Variants in MCM10 observed in about 807,000 individuals in gnomAD.
MCM10 encodes the protein protein MCM10 homolog.
MCM10 carries 91 observed loss-of-function variants against 109.9 expected under a neutral mutation model. The ratio of observed to expected loss-of-function variants is 0.83; its 90% CI spans 0.70 to 0.99. MCM10 has a LOEUF of 0.99. MCM10 is among the 50% of genes least tolerant of loss of function. MCM10 has a pLI of 0.00. For missense variants in MCM10, 1,077 were observed against 1,061.2 expected (o/e 1.01, Z -0.21); for synonymous variants, 380 against 387.2 (o/e 0.98, Z 0.22).
intron 16 of MCM10, among the ~76,000 whole-genome samples, chr10:13,200,423 A>G (rs74641480): frequency 0.021 from 3,206 of 152,272 alleles, 61 homozygotes; most frequent in South Asian, 0.082. Context: ...GCTCCCACCA[A>G]TTTTCAAAAT....
rs765000042 is a variant in MCM10 at position 13,198,715 on chromosome 10, A to G, written c.2146A>G (p.Lys716Glu). 6.2e-7 allele frequency: 1 copy of G among 1,610,336 alleles called. No individual in the cohort carries two copies. The highest frequency in any genetic ancestry group is 8.5e-7 in the Non-Finnish European group (1 of 1,177,142). ...TGAGGATGAATTGGAGCCTGCCAGG[A>G]AAAAAAGGAGAGAACAACTTGCCTA... ...QAEDELEPAR[K>E]KRREQLAYLE... Residue 716 changes from lysine to glutamate, a missense_variant, in exon 16 of 20, where the codon AAA (lysine) becomes GAA (glutamate). Transcript: ENST00000378714.
chr10:13,208,694 A>G (rs770454993), intron 18 of MCM10, among the ~76,000 whole-genome samples: 3 of 152,024 alleles, frequency 2.0e-5, no homozygotes, highest in Non-Finnish European at 4.4e-5. Flanking sequence ...TTTTGCTCCA[A>G]AAAAAAGAGG....
chr10:13,201,205 T>C (rs1402290226), intron 16 of MCM10, among the ~76,000 whole-genome samples: 2 of 152,168 alleles, frequency 1.3e-5, no homozygotes, highest in Non-Finnish European at 2.9e-5. Context: ...TGTTTTTGCA[T>C]ATTAAGAGCT....
In MCM10 at chr10:13,188,861, C is replaced by T; in HGVS notation, c.1216-20C>T. ...CAGCCTGTTGCCCTCATCCTGATGC[C>T]ACTGCTCTGCCTTTTGCAGCGTGAC... is the stretch of plus-strand genomic sequence containing the variant. On this transcript the variant is annotated intron_variant, in intron 9 of 19. Coordinates refer to ENST00000378714, the MANE Select transcript of MCM10 (RefSeq NM_018518.5). The T allele has an allele frequency of 6.2e-7, 1 of 1,610,974 alleles. No homozygotes were observed. The highest frequency in any genetic ancestry group is 2.2e-5 in the East Asian group (1 of 44,864).
chr10:13,204,121 G>C, intron 17 of MCM10, 98 bp from the exon 18 acceptor site: 2 of 1,445,548 alleles, frequency 1.4e-6, no homozygotes, highest in Non-Finnish European at 1.9e-6. Context: ...AGTGATGAGA[G>C]ACCAGGTGGT....
intron 6 of MCM10, among the ~76,000 whole-genome samples, chr10:13,175,902 A>C (rs1248044889): frequency 6.6e-6 from 1 of 152,258 alleles, no homozygotes; most frequent in African/African-American, 2.4e-5. Flanking sequence ...TATGTAATCA[A>C]CAAAGAATCT....
chr10:13,164,724 A>G (rs138609584), intron 2 of MCM10, among the ~76,000 whole-genome samples: 17 of 152,268 alleles, frequency 1.1e-4, no homozygotes, highest in African/African-American at 4.1e-4. Flanking sequence ...CAAAATGTTT[A>G]CCTAGAAAAG....
rs373990822 is a variant in MCM10, at chr10:13,192,523, G to A, written c.1700G>A (p.Arg567Gln). The A allele has an allele frequency of 9.9e-6, 16 of 1,614,048 alleles. No homozygotes were observed. The highest frequency in any genetic ancestry group is 2.7e-5 in the African/African-American group (2 of 74,926). Residue 567 changes from arginine to glutamine, a missense_variant, in exon 13 of 20, where the codon CGG (arginine) becomes CAG (glutamine). Coordinates refer to ENST00000378714, the MANE Select transcript of MCM10 (RefSeq NM_018518.5). ...GCACTCTTGAAGCAACAGAAGCAGC[G>A]GATGTTGGAGATGAGGAGAAGGAAA... ...ASALLKQQKQ[R>Q]MLEMRRRKSE...
chr10:13,210,078 G>C lies in MCM10; in HGVS notation c.*768G>C, dbSNP rs981136201. The C allele has an allele frequency of 6.6e-6, 1 of 151,266 alleles. No individual in the cohort carries two copies. Among genetic ancestry groups the C allele is most frequent in the African/African-American group, 2.4e-5 (1 of 41,128 alleles). 9.4% of individuals were successfully genotyped at this position (151,266 alleles called of 1,614,324 possible). A position where few individuals can be genotyped will look rare whatever the true frequency, so the allele number is the denominator to read the frequency against. ...TTTAATTTTTTTATTTTTTATGACA[G>C]GGTCTCACTATGTCACCCTGGCTGG... On this transcript the variant is annotated 3_prime_UTR_variant, in exon 20 of 20. Transcript: ENST00000378714.
intron 18 of MCM10, among the ~76,000 whole-genome samples, chr10:13,206,011 T>C (rs1834575493): frequency 6.6e-6 from 1 of 152,170 alleles, no homozygotes; most frequent in Non-Finnish European, 1.5e-5. Context: ...CCTCCCTGTT[T>C]CATTCACGTG....
Position 13,210,938 on chromosome 10 carries a change from T to C in MCM10, c.*1628T>C, listed in dbSNP as rs760729233. 1.3e-5 allele frequency: 2 copies of C among 152,174 alleles called. No homozygotes were observed. The highest frequency in any genetic ancestry group is 4.8e-5 in the African/African-American group (2 of 41,452). 9.4% of individuals were successfully genotyped at this position (152,174 alleles called of 1,614,324 possible). ...TGGTGTCTGAGCAATCCCTTTCTTATGGGAAAAACAATGTTCTTGTTTGAA... is the reference window on the plus strand; with the variant it reads ...TGGTGTCTGAGCAATCCCTTTCTTACGGGAAAAACAATGTTCTTGTTTGAA... On this transcript the variant is annotated 3_prime_UTR_variant, in exon 20 of 20. Coordinates refer to ENST00000378714, the MANE Select transcript of MCM10 (RefSeq NM_018518.5).
At chr10:13,197,150 C>T (rs1339269943) in intron 14 of MCM10, among the ~76,000 whole-genome samples, 2 of 150,152 alleles carry the variant, frequency 1.3e-5, no homozygotes, top group African/African-American at 2.5e-5. Context: ...TTTAAACTCC[C>T]GAGCTCAAGA....
At chr10:13,199,788 C>G (rs1000206029) in intron 16 of MCM10, among the ~76,000 whole-genome samples, 1 of 152,126 alleles carries the variant, frequency 6.6e-6, no homozygotes, top group Admixed American at 6.5e-5. Flanking sequence ...AATGGAGGCT[C>G]ACATAGGTTT....
At chr10:13,170,611 G>A (rs1003789341) in intron 2 of MCM10, among the ~76,000 whole-genome samples, 12 of 152,150 alleles carry the variant, frequency 7.9e-5, no homozygotes, top group African/African-American at 2.9e-4. Flanking sequence ...AGCACCTGGG[G>A]ACAAGAAAGA....
rs564476477 is a variant in MCM10 at position 13,163,093 on chromosome 10, C to A, written c.-75-1035C>A. ...CCGTCTCAAAAAAAAAAAAAAGCAC[C>A]TTTGGGAGTCCAAGGCTGATGGATC... On this transcript the variant is annotated intron_variant, in intron 1 of 19. Coordinates refer to ENST00000378714, the MANE Select transcript of MCM10 (RefSeq NM_018518.5). Among the ~76,000 whole-genome samples the A allele has an allele frequency of 4.0e-5, 6 of 149,564 alleles. No homozygotes were observed. In the East Asian group the frequency reaches 5.9e-4, roughly 15 times the overall value.
rs1158642223 is a variant in MCM10 at position 13,182,763 on chromosome 10, A to G, written c.931-170A>G. ...GGTAATAGAATGCAAAAGCCTAGAG[A>G]ATGGGTTAAAGTTATCACACATGCT... On this transcript the variant is annotated intron_variant, in intron 7 of 19. Coordinates refer to ENST00000378714, the MANE Select transcript of MCM10 (RefSeq NM_018518.5). This position sits in a 1 kb window ranked among gnomAD's most constrained non-coding sequence, Gnocchi z 4.2. Among the ~76,000 whole-genome samples, 2 of 152,202 alleles carry G rather than the reference A, an allele frequency of 1.3e-5. No homozygotes were observed. The highest frequency in any genetic ancestry group is 2.9e-5 in the Non-Finnish European group (2 of 68,038).
intron 5 of MCM10, among the ~76,000 whole-genome samples, chr10:13,173,638 T>C (rs1834104265): frequency 6.6e-6 from 1 of 152,212 alleles, no homozygotes; most frequent in Non-Finnish European, 1.5e-5. Context: ...CCCCTTTGAA[T>C]AGCATGGGTC....
In MCM10 at chr10:13,171,237, G is replaced by T. The variant is rs374155592; in HGVS notation, c.323G>T (p.Arg108Leu). The change falls in exon 3 of 20, where the codon CGA becomes CTA. Residue 108 changes from arginine to leucine, a missense_variant. Transcript: ENST00000378714. ...GTCCTCCCTGCTCCTGCCCCCAGGCGAGAGAAAACGAATGAAGAGTTGCAA... is the reference window on the plus strand; with the variant it reads ...GTCCTCCCTGCTCCTGCCCCCAGGCTAGAGAAAACGAATGAAGAGTTGCAA... The part of the protein sequence containing the change: ...NRVLPAPAPR[R>L]EKTNEELQEE... 34 of 1,610,944 alleles carry T rather than the reference G, an allele frequency of 2.1e-5. No individual in the cohort carries two copies. In the Admixed American group the frequency reaches 5.7e-4, roughly 27 times the overall value.
chr10:13,187,859 T>C (rs1360199607), intron 9 of MCM10, among the ~76,000 whole-genome samples: 1 of 152,038 alleles, frequency 6.6e-6, no homozygotes, highest in Non-Finnish European at 1.5e-5. Context: ...AAAAATCCAT[T>C]GTCTGGATGG....
Sources: gnomAD v4.1 joint callset for allele counts (sites outside exome capture counted in the v4.1 genomes callset) on GRCh38, gnomAD v4.1.1 for gene constraint, Gnocchi (gnomAD v3.1) non-coding constraint, MANE v1.5 for transcripts, NCBI Gene and HGNC (gene_info 2026-07-23, HGNC 2026-07-21) for gene names.